TSHZ2: variants seen among roughly 807,000 people sequenced by gnomAD.
TSHZ2 encodes the protein teashirt zinc finger homeobox 2, also known as teashirt homolog 2.
In TSHZ2, 21 loss-of-function variants were observed where a neutral mutation model predicts 74.4. The ratio of observed to expected loss-of-function variants is 0.28; its 90% CI spans 0.20 to 0.41. TSHZ2 has a LOEUF of 0.41. TSHZ2 is among the 10% of genes least tolerant of loss of function. The pLI is 1.00. For synonymous variants in TSHZ2, 540 were observed against 515.3 expected (o/e 1.05, Z -0.65); for missense variants, 1,244 against 1,293.5 (o/e 0.96, Z 0.59).
intron 2 of TSHZ2, among the ~76,000 whole-genome samples, chr20:53,424,506 A>G (rs147729360): frequency 2.8e-4 from 43 of 152,326 alleles, no homozygotes; most frequent in African/African-American, 9.4e-4. Flanking sequence ...CCATGTATAT[A>G]TATAATGTTT....
chr20:53,100,206 A>G (rs1346148960), intron 1 of TSHZ2, among the ~76,000 whole-genome samples: 1 of 151,990 alleles, frequency 6.6e-6, no homozygotes, highest in African/African-American at 2.4e-5. Flanking sequence ...GCACTCGTGG[A>G]CTCTGATTCT....
At chr20:53,288,214 G>C (rs961823980) in intron 2 of TSHZ2, among the ~76,000 whole-genome samples, 1 of 152,084 alleles carries the variant, frequency 6.6e-6, no homozygotes, top group Non-Finnish European at 1.5e-5. Flanking sequence ...GACCAGCCTA[G>C]CTAACATGGT....
rs1226531548 is a variant in TSHZ2, at chr20:53,255,218, T to A, written c.1760T>A (p.Leu587Gln). The change falls in exon 2 of 3, where the codon CTG becomes CAG. Residue 587 changes from leucine to glutamine, a missense_variant. This residue lies in a region of TSHZ2 where 562 missense variants were observed against 544.0 expected (regional missense o/e 1.03). Transcript: ENST00000371497. The surrounding 1 kb of genome is among the most constrained non-coding windows in gnomAD (Gnocchi z 4.1). ...PIAPKWKVMP[L>Q]VSMPTHLAPY... is the part of the protein sequence containing the mutation. ...GCACCAAAGTGGAAAGTGATGCCAC[T>A]GGTTTCTATGCCCACACACCTGGCC... The A allele has an allele frequency of 1.2e-6, 2 of 1,614,204 alleles. No homozygotes were observed. The highest frequency in any genetic ancestry group is 1.7e-6 in the Non-Finnish European group (2 of 1,180,034).
intron 2 of TSHZ2, among the ~76,000 whole-genome samples, chr20:53,383,531 G>T (rs900697071): frequency 1.3e-5 from 2 of 151,988 alleles, no homozygotes; most frequent in Non-Finnish European, 2.9e-5. Context: ...AGGCTGAGGA[G>T]GGTGGATCAC....
At chr20:53,399,619 T>G (rs1982578820) in intron 2 of TSHZ2, 1 of 152,138 alleles carries the variant, frequency 6.6e-6, no homozygotes, top group Non-Finnish European at 1.5e-5. Flanking sequence ...GAGGTACTAG[T>G]GTGGCCCCGC....
intron 1 of TSHZ2, among the ~76,000 whole-genome samples, chr20:53,155,475 G>A (rs1987774114): frequency 1.3e-5 from 2 of 152,020 alleles, no homozygotes; most frequent in South Asian, 4.2e-4. Context: ...AACTCCAGGG[G>A]TAGCCAGAGG....
intron 1 of TSHZ2, among the ~76,000 whole-genome samples, chr20:53,223,931 ACC>A (rs929207821): frequency 5.4e-5 from 7 of 130,160 alleles, no homozygotes; most frequent in Non-Finnish European, 1.2e-4. Flanking sequence ...ACACACACAC[ACC>A]CCTAAGTTTA....
At position 53,119,072 on chromosome 20, in the gene TSHZ2, AC is replaced by A. The variant is rs375224495; in HGVS notation, c.41-134422del. Among the ~76,000 whole-genome samples, 476 of 152,064 alleles carry A rather than the reference AC, an allele frequency of 3.1e-3. 2 individuals carry two copies. Among genetic ancestry groups the A allele is most frequent in the African/African-American group, 0.011 (454 of 41,464 alleles). On this transcript the variant is annotated intron_variant, in intron 1 of 2. Transcript: ENST00000371497. Reference sequence around the variant, plus strand: ...GAGCTAAACGATTCATGAGACACTCACCCCCATGATCCAACCACCTCCCACC... The same window carrying A: ...GAGCTAAACGATTCATGAGACACTCACCCCATGATCCAACCACCTCCCACC...
intron 1 of TSHZ2, among the ~76,000 whole-genome samples, chr20:53,240,675 C>G (rs1000602143): frequency 6.6e-6 from 1 of 150,886 alleles, no homozygotes; most frequent in Non-Finnish European, 1.5e-5. Context: ...CTCCCAGAAG[C>G]AAATAAAACA....
chr20:53,308,756 TC>T (rs1246462941), intron 2 of TSHZ2, among the ~76,000 whole-genome samples: 2 of 152,230 alleles, frequency 1.3e-5, no homozygotes, highest in Non-Finnish European at 2.9e-5. Flanking sequence ...AACTTGGTGT[TC>T]GACATTACTG....
At chr20:53,043,137 G>T (rs187524254) in intron 1 of TSHZ2, among the ~76,000 whole-genome samples, 2 of 152,170 alleles carry the variant, frequency 1.3e-5, no homozygotes, top group South Asian at 4.1e-4. Context: ...GCATGGAGAC[G>T]GGATAAAGGT....
rs138418083 is a variant in TSHZ2, at chr20:53,484,183, T to C, written c.*9-2961T>C. On this transcript the variant is annotated intron_variant, in intron 2 of 2. Coordinates refer to ENST00000371497, the MANE Select transcript of TSHZ2 (RefSeq NM_173485.6). Reference sequence around the variant, plus strand: ...AAACAAAGATTGCCAGGGACCCTTTTTCTCTCAAGTGCACATCTAATGTCA... The same window carrying C: ...AAACAAAGATTGCCAGGGACCCTTTCTCTCTCAAGTGCACATCTAATGTCA... Among the ~76,000 whole-genome samples, 6 of 152,254 alleles carry C rather than the reference T, an allele frequency of 3.9e-5. No individual in the cohort carries two copies. The East Asian group carries it at 1.2e-3, about 29-fold the overall frequency.
Position 53,321,683 on chromosome 20 carries a change from C to CAAAAAAAAAAAAAAAAAA in TSHZ2, c.*8+65129_*8+65130insAAAAAAAAAAAAAAAAAA, listed in dbSNP as rs59907513. Among the ~76,000 whole-genome samples the CAAAAAAAAAAAAAAAAAA allele has an allele frequency of 8.4e-4, 49 of 58,262 alleles. 2 individuals carry two copies. The highest frequency in any genetic ancestry group is 1.8e-3 in the South Asian group (2 of 1,098). 38.2% of individuals were successfully genotyped at this position (58,262 alleles called of 152,430 possible). A position where few individuals can be genotyped will look rare whatever the true frequency, so the allele number is the denominator to read the frequency against. On this transcript the variant is annotated intron_variant, in intron 2 of 2. Transcript: ENST00000371497. ...TGGGCAACAGGGCGAGACTCCATCT[C>CAAAAAAAAAAAAAAAAAA]AAAAAAAAAAAAAAAAAGAAAGACA...
intron 1 of TSHZ2, among the ~76,000 whole-genome samples, chr20:53,171,886 T>C (rs1459028289): frequency 6.6e-6 from 1 of 152,264 alleles, no homozygotes; most frequent in South Asian, 2.1e-4. Context: ...GAAAAGGGCT[T>C]TCCCCCTAGA....
chr20:53,457,304 T>C (rs1296783867), intron 2 of TSHZ2, among the ~76,000 whole-genome samples: 6 of 137,298 alleles, frequency 4.4e-5, no homozygotes, highest in Non-Finnish European at 9.3e-5. Context: ...CTAGGTATTT[T>C]ATTCTCTTTG....
At chr20:53,279,746 G>A (rs1039064794) in intron 2 of TSHZ2, among the ~76,000 whole-genome samples, 1 of 152,096 alleles carries the variant, frequency 6.6e-6, no homozygotes, top group Non-Finnish European at 1.5e-5. Flanking sequence ...AATAAATAAG[G>A]CCATTTAGGA....
intron 1 of TSHZ2, chr20:53,208,775 C>T (rs553600837): frequency 2.0e-5 from 3 of 152,252 alleles, no homozygotes; most frequent in Admixed American, 6.5e-5. Context: ...ACCTCACCCC[C>T]ACGCCCTGTA....
intron 1 of TSHZ2, among the ~76,000 whole-genome samples, chr20:53,040,893 A>T (rs909721493): frequency 3.9e-5 from 6 of 152,144 alleles, no homozygotes; most frequent in African/African-American, 1.4e-4. Context: ...AAGTATGAGT[A>T]AATTGGGCTC....
intron 1 of TSHZ2, among the ~76,000 whole-genome samples, chr20:53,018,608 C>T (rs1983125181): frequency 1.3e-5 from 2 of 152,212 alleles, no homozygotes; most frequent in South Asian, 2.1e-4. Flanking sequence ...TTTGTCCTAT[C>T]ACAGGTCACC....
Sources: allele counts gnomAD v4.1 joint callset (sites outside exome capture counted in the v4.1 genomes callset), GRCh38; gene constraint gnomAD v4.1.1; regional missense constraint gnomAD v4.1.1; non-coding constraint Gnocchi (gnomAD v3.1); transcripts MANE v1.5; gene names NCBI Gene and HGNC (gene_info 2026-07-23, HGNC 2026-07-21).